The following PAX7 variants were observed in gnomAD, a reference collection of about 807,000 sequenced individuals.
PAX7 encodes the protein paired box 7.
A neutral mutation model predicts 50.7 loss-of-function variants in PAX7; 18 were observed. That is an observed-to-expected ratio of 0.36 (90% confidence interval 0.25 to 0.53). The LOEUF (loss-of-function observed/expected upper bound fraction) is 0.53, where lower values mean the gene tolerates loss of function less well. PAX7 is among the 20% of genes least tolerant of loss of function. The pLI is 0.93. For synonymous variants in PAX7, 310 were observed against 290.4 expected, an observed-to-expected ratio of 1.07 and a Z score of -0.69; for missense variants, 644 against 702.9, an observed-to-expected ratio of 0.92 and a Z score of 0.95.
chr1:18,677,486 AC>A (rs1226657852), intron 4 of PAX7, among the ~76,000 whole-genome samples: 1 of 152,190 alleles, frequency 6.6e-6, no homozygotes, highest in African/African-American at 2.4e-5. Context: ...TTTGTGAGGC[AC>A]CAGTGGGTGC....
intron 5 of PAX7, among the ~76,000 whole-genome samples, chr1:18,697,560 G>C (rs2089165732): frequency 6.6e-6 from 1 of 152,160 alleles, no homozygotes; most frequent in African/African-American, 2.4e-5. Flanking sequence ...CCCATCTTAG[G>C]AGTTAGAGGC....
chr1:18,719,990 C>T (rs1302502323), intron 7 of PAX7, among the ~76,000 whole-genome samples: 3 of 152,196 alleles, frequency 2.0e-5, no homozygotes, highest in African/African-American at 4.8e-5. Context: ...TTTGCAGACT[C>T]GGAGAGGTGA....
At chr1:18,725,709 T>C (rs1570233905) in intron 7 of PAX7, among the ~76,000 whole-genome samples, 2 of 152,322 alleles carry the variant, frequency 1.3e-5, no homozygotes, top group East Asian at 1.9e-4. Flanking sequence ...CCCCCGAGCC[T>C]CGCCGCTCCG....
intron 7 of PAX7, among the ~76,000 whole-genome samples, chr1:18,706,359 T>C (rs1230104556): frequency 6.6e-6 from 1 of 152,140 alleles, no homozygotes; most frequent in Non-Finnish European, 1.5e-5. Flanking sequence ...GTAGGCACAC[T>C]GTCCCTTTCC....
At chr1:18,674,960 T>A (rs1434098068) in intron 4 of PAX7, among the ~76,000 whole-genome samples, 1 of 152,200 alleles carries the variant, frequency 6.6e-6, no homozygotes, top group Admixed American at 6.5e-5. Flanking sequence ...GTGATTCTGA[T>A]GCTGCTAACA....
chr1:18,694,496 ATAAATAAATAAATAT>A (rs2089125198), intron 5 of PAX7, among the ~76,000 whole-genome samples: 1 of 147,234 alleles, frequency 6.8e-6, no homozygotes, highest in Non-Finnish European at 1.5e-5. Flanking sequence ...AAATAAATAA[ATAAATAAATAAATAT>A]AAAATAAAAT....
chr1:18,634,767 G>A lies in PAX7; in HGVS notation c.321+229G>A, dbSNP rs143142515. Among the ~76,000 whole-genome samples, 1,100 of 152,272 alleles carry A rather than the reference G, an allele frequency of 7.2e-3. 6 individuals are homozygous for A. Among genetic ancestry groups the A allele is most frequent in the Middle Eastern group, 0.017 (5 of 294 alleles). Reference sequence around the variant, plus strand: ...CCTTGAGGCCAATGAGCCATTCCTGGACTGTCCCCACATTTGCCTCAACCC... The same window carrying A: ...CCTTGAGGCCAATGAGCCATTCCTGAACTGTCCCCACATTTGCCTCAACCC... On this transcript the variant is annotated intron_variant, in intron 2 of 8. Transcript: ENST00000420770. This position sits in a 1 kb window ranked among gnomAD's most constrained non-coding sequence, Gnocchi z 4.0.
intron 4 of PAX7, among the ~76,000 whole-genome samples, chr1:18,639,864 C>T (rs978831054): frequency 6.6e-6 from 1 of 152,128 alleles, no homozygotes; most frequent in Non-Finnish European, 1.5e-5. Context: ...AGACCAGGGG[C>T]TCCGCTTTGT....
chr1:18,664,626 T>C (rs995781643), intron 4 of PAX7, among the ~76,000 whole-genome samples: 19 of 152,112 alleles, frequency 1.2e-4, no homozygotes, highest in African/African-American at 4.6e-4. Flanking sequence ...ATCGAGAGGC[T>C]CAGAGGATGA....
intron 7 of PAX7, among the ~76,000 whole-genome samples, chr1:18,725,413 C>T (rs907572862): frequency 2.0e-5 from 3 of 152,078 alleles, no homozygotes; most frequent in African/African-American, 4.8e-5. Context: ...TCCTCCCTCC[C>T]CTCTCCTTCC....
chr1:18,661,867 G>A (rs866031430), intron 4 of PAX7, among the ~76,000 whole-genome samples: 18 of 152,248 alleles, frequency 1.2e-4, no homozygotes, highest in African/African-American at 2.9e-4. Context: ...GGAGGGCGCC[G>A]GGAGGGGGAA....
At chr1:18,688,781 G>A (rs2089013802) in intron 4 of PAX7, among the ~76,000 whole-genome samples, 1 of 152,180 alleles carries the variant, frequency 6.6e-6, no homozygotes. Context: ...GGCCATGGTG[G>A]TGTGTGCCTG....
At chr1:18,639,237 A>G (rs1264463721) in intron 4 of PAX7, among the ~76,000 whole-genome samples, 1 of 151,678 alleles carries the variant, frequency 6.6e-6, no homozygotes, top group Non-Finnish European at 1.5e-5. Flanking sequence ...GTAAGAAACT[A>G]TTTATCCGCA....
At position 18,670,758 on chromosome 1, in the gene PAX7, G is replaced by A. The variant is rs74762304; in HGVS notation, c.587-20996G>A. Among the ~76,000 whole-genome samples, 676 of 152,296 alleles carry A rather than the reference G, an allele frequency of 4.4e-3. 3 individuals carry two copies. The highest frequency in any genetic ancestry group is 0.014 in the African/African-American group (594 of 41,560). On this transcript the variant is annotated intron_variant, in intron 4 of 8. Coordinates refer to ENST00000420770, the MANE Select transcript of PAX7 (RefSeq NM_001135254.2). ...GCCATGGAGACGACAGCCCGGGCCC[G>A]TGCGAGTCCCTCCACCTGGCTCCTT...
rs969498408 is a variant in PAX7 at position 18,634,319 on chromosome 1, C to T, written c.102C>T (p.Gly34=). 6.2e-7 allele frequency: 1 copy of T among 1,613,768 alleles called. No individual in the cohort carries two copies. The highest frequency in any genetic ancestry group is 8.5e-7 in the Non-Finnish European group (1 of 1,179,918). The change falls in exon 2 of 9, where the codon GGC becomes GGT. Residue 34 remains glycine (G), a synonymous_variant. Coordinates refer to ENST00000420770, the MANE Select transcript of PAX7 (RefSeq NM_001135254.2). The surrounding 1 kb of genome is among the most constrained non-coding windows in gnomAD (Gnocchi z 4.0). ...CTTCTCCAGTGTCCACCCCGCTTGG[C>T]CAAGGCCGGGTCAATCAGCTGGGAG... The part of the protein sequence containing the change: ...GFPLEVSTPL[G]QGRVNQLGGV...
Position 18,632,643 on chromosome 1 carries a change from CTT to C in PAX7, c.85+965_85+966del, listed in dbSNP as rs11308758. 2.1e-5 allele frequency among the ~76,000 whole-genome samples: 3 copies of C among 142,166 alleles called. No homozygotes were observed. Among genetic ancestry groups the C allele is most frequent in the African/African-American group, 5.1e-5 (2 of 39,094 alleles). 93.3% of individuals were successfully genotyped at this position (142,166 alleles called of 152,430 possible). A position where few individuals can be genotyped will look rare whatever the true frequency, so the allele number is the denominator to read the frequency against. On this transcript the variant is annotated intron_variant, in intron 1 of 8. Transcript: ENST00000420770. This position sits in a 1 kb window ranked among gnomAD's most constrained non-coding sequence, Gnocchi z 6.3. ...GAGAAGTCATTAGAAATATGTGCGA[CTT>C]TTTTTTTTTAAATTACTCTTCCTGT... is the stretch of plus-strand genomic sequence containing the variant.
intron 7 of PAX7, among the ~76,000 whole-genome samples, chr1:18,729,967 C>T (rs1237886706): frequency 1.3e-5 from 2 of 152,172 alleles, no homozygotes; most frequent in Non-Finnish European, 2.9e-5. Context: ...TGACTGAGAG[C>T]TGTTCCCAGA....
chr1:18,683,377 C>T (rs1018421897), intron 4 of PAX7, among the ~76,000 whole-genome samples: 41 of 151,754 alleles, frequency 2.7e-4, no homozygotes, highest in African/African-American at 9.5e-4. Flanking sequence ...GTTACCAACC[C>T]AGCACTACTT....
intron 7 of PAX7, among the ~76,000 whole-genome samples, chr1:18,724,919 C>T (rs189908306): frequency 2.6e-5 from 4 of 152,316 alleles, no homozygotes; most frequent in Admixed American, 1.3e-4. Context: ...AGGCAATACA[C>T]ATCCTCATTT....
Sources: allele counts gnomAD v4.1 joint callset (sites outside exome capture counted in the v4.1 genomes callset), GRCh38; gene constraint gnomAD v4.1.1; non-coding constraint Gnocchi (gnomAD v3.1); transcripts MANE v1.5; gene names NCBI Gene and HGNC (gene_info 2026-07-23, HGNC 2026-07-21).